The following WIPF2 variants were observed in gnomAD, a reference collection of about 807,000 sequenced individuals.
WIPF2 encodes WAS/WASL interacting protein family member 2, also known as WAS/WASL-interacting protein family member 2.
WIPF2 carries 23 observed loss-of-function variants against 38.8 expected under a neutral mutation model. The ratio of observed to expected loss-of-function variants is 0.59; its 90% CI spans 0.43 to 0.84. The LOEUF (loss-of-function observed/expected upper bound fraction) is 0.84. WIPF2 is among the 40% of genes least tolerant of loss of function. The pLI is 0.00. For missense variants in WIPF2, 574 were observed against 580.5 expected, an observed-to-expected ratio of 0.99 and a Z score of 0.11; for synonymous variants, 210 against 223.2, an observed-to-expected ratio of 0.94 and a Z score of 0.53.
chr17:40,265,297 C>A (rs2032052687), intron 5 of WIPF2, 151 bp downstream of exon 5: 7 of 1,019,726 alleles, frequency 6.9e-6, no homozygotes, highest in East Asian at 2.7e-5. Flanking sequence ...AGGGAAATAG[C>A]AATAAATAGA....
intron 4 of WIPF2, among the ~76,000 whole-genome samples, 151 bp from the exon 5 acceptor site, chr17:40,264,326 CAAAAAAAAAAAAA>C (rs772320240): frequency 4.2e-4 from 10 of 23,968 alleles, no homozygotes; most frequent in Non-Finnish European, 8.7e-4. Context: ...AACTTCGTCT[CAAAAAAAAAAAAA>C]AAAAAAAAAA....
rs1432107092 is a variant in WIPF2 at position 40,278,875 on chromosome 17, A to C, written c.*650A>C. On this transcript the variant is annotated 3_prime_UTR_variant, in exon 8 of 8. Coordinates refer to ENST00000323571, the MANE Select transcript of WIPF2 (RefSeq NM_133264.5). ...TAAATACTAATCAGTTGAACTTAAC[A>C]TTTAATAAAAAGAAAGGGTGAAATA... 6.6e-6 allele frequency: 1 copy of C among 151,754 alleles called. No individual in the cohort carries two copies. Among genetic ancestry groups the C allele is most frequent in the Non-Finnish European group, 1.5e-5 (1 of 68,002 alleles). The allele number at this position is 151,754 out of a possible 1,614,324, so 9.4% of individuals were successfully genotyped here.
intron 1 of WIPF2, among the ~76,000 whole-genome samples, chr17:40,231,209 T>G (rs906082961): frequency 6.6e-6 from 1 of 152,174 alleles, no homozygotes; most frequent in Non-Finnish European, 1.5e-5. Flanking sequence ...AAGAGACTCC[T>G]TGACAATGAA....
intron 1 of WIPF2, among the ~76,000 whole-genome samples, chr17:40,248,454 C>T (rs2031448263): frequency 6.6e-6 from 1 of 152,052 alleles, no homozygotes; most frequent in South Asian, 2.1e-4. Flanking sequence ...TAGGCGTCAG[C>T]CACTGTGCCT....
intron 2 of WIPF2, among the ~76,000 whole-genome samples, chr17:40,259,295 A>G (rs1321303557): frequency 1.3e-5 from 2 of 151,710 alleles, no homozygotes; most frequent in Non-Finnish European, 2.9e-5. Context: ...TCTGGCGATC[A>G]TGAGGAGTTC....
chr17:40,259,614 C>G (rs1462996096), intron 2 of WIPF2, among the ~76,000 whole-genome samples: 1 of 152,056 alleles, frequency 6.6e-6, no homozygotes, highest in Admixed American at 6.6e-5. Flanking sequence ...TACTGTATAA[C>G]TTTATTTAGA....
intron 1 of WIPF2, among the ~76,000 whole-genome samples, chr17:40,241,319 A>ACCCT (rs2031182480): frequency 6.6e-6 from 1 of 152,072 alleles, no homozygotes; most frequent in African/African-American, 2.4e-5. Context: ...AAGTTTGGAA[A>ACCCT]CCCTGCTTTA....
intron 2 of WIPF2, 114 bp downstream of exon 2, chr17:40,256,636 A>G (rs1008542967): frequency 1.4e-5 from 19 of 1,354,392 alleles, no homozygotes; most frequent in Non-Finnish European, 1.9e-5. Context: ...AGATTTTCCT[A>G]CTAGTAGCAT....
intron 6 of WIPF2, among the ~76,000 whole-genome samples, chr17:40,276,801 G>A (rs1186739814): frequency 6.6e-6 from 1 of 152,162 alleles, no homozygotes; most frequent in Non-Finnish European, 1.5e-5. Context: ...CTGCACTCCA[G>A]CCTGGGTGAC....
At chr17:40,226,369 A>C (rs761565017) in intron 1 of WIPF2, among the ~76,000 whole-genome samples, 1 of 150,908 alleles carries the variant, frequency 6.6e-6, no homozygotes, top group African/African-American at 2.4e-5. Context: ...ACACCCGGCT[A>C]ATTTAATTTT....
At chr17:40,233,856 G>A (rs1024416864) in intron 1 of WIPF2, among the ~76,000 whole-genome samples, 1 of 152,104 alleles carries the variant, frequency 6.6e-6, no homozygotes, top group African/African-American at 2.4e-5. Context: ...CTGAGGTTGG[G>A]AGTTCGAGAC....
intron 1 of WIPF2, among the ~76,000 whole-genome samples, chr17:40,234,625 C>CA (rs995762173): frequency 1.0e-4 from 15 of 149,014 alleles, no homozygotes; most frequent in East Asian, 2.0e-4. Flanking sequence ...ACCCTTTCTT[C>CA]AAAAAAAAAG....
At chr17:40,242,112 C>A (rs2031210388) in intron 1 of WIPF2, among the ~76,000 whole-genome samples, 1 of 152,172 alleles carries the variant, frequency 6.6e-6, no homozygotes, top group Non-Finnish European at 1.5e-5. Context: ...TACAATTTTA[C>A]AACTTCCATT....
At chr17:40,226,051 A>G (rs1156870086) in intron 1 of WIPF2, among the ~76,000 whole-genome samples, 1 of 152,064 alleles carries the variant, frequency 6.6e-6, no homozygotes, top group East Asian at 1.9e-4. Context: ...AGTAATTATG[A>G]TATTTCTAAA....
intron 1 of WIPF2, among the ~76,000 whole-genome samples, chr17:40,227,822 C>G (rs944638325): frequency 6.6e-6 from 1 of 151,728 alleles, no homozygotes; most frequent in Non-Finnish European, 1.5e-5. Flanking sequence ...GCACTCCAGC[C>G]TGGGTGACAG....
Position 40,279,705 on chromosome 17 carries a change from T to C in WIPF2, c.*1480T>C, listed in dbSNP as rs1398271205. On this transcript the variant is annotated 3_prime_UTR_variant, in exon 8 of 8. Transcript: ENST00000323571. The stretch of plus-strand genomic sequence containing the variant: ...CTTTGGTTTTCTACAACTGTTGCTA[T>C]GTGTAGAGGGTGCTCAGAGCGTGGC... 2 of 152,392 alleles carry C rather than the reference T, an allele frequency of 1.3e-5. No homozygotes were observed. The highest frequency in any genetic ancestry group is 2.9e-5 in the Non-Finnish European group (2 of 68,030). The allele number at this position is 152,392 out of a possible 1,614,324, so 9.4% of individuals were successfully genotyped here. A position where few individuals can be genotyped will look rare whatever the true frequency, so the allele number is the denominator to read the frequency against.
At chr17:40,274,759 A>G (rs1311756903) in intron 6 of WIPF2, among the ~76,000 whole-genome samples, 1 of 151,158 alleles carries the variant, frequency 6.6e-6, no homozygotes, top group African/African-American at 2.4e-5. Flanking sequence ...CCTGGGCAAC[A>G]TGGTGGAACT....
In WIPF2 at chr17:40,282,423, GAATA is replaced by G. The variant is rs1328828743; in HGVS notation, c.*4202_*4205del. 1.3e-5 allele frequency: 2 copies of G among 152,212 alleles called. No homozygotes were observed. The highest frequency in any genetic ancestry group is 2.9e-5 in the Non-Finnish European group (2 of 68,032). The allele number at this position is 152,212 out of a possible 1,614,324, so 9.4% of individuals were successfully genotyped here. ...CTCCATGGAAGTCACAGTCAACACTGAATAAATGACTAGAATGACACGTGTGCGT... is the reference window on the plus strand; with the variant it reads ...CTCCATGGAAGTCACAGTCAACACTGAATGACTAGAATGACACGTGTGCGT... On this transcript the variant is annotated 3_prime_UTR_variant, in exon 8 of 8. Transcript: ENST00000323571.
chr17:40,265,126 A>C lies in WIPF2; in HGVS notation c.950A>C (p.Asp317Ala). ...LSNRPPPPAR[D>A]PPSRGAAPPP... ...AATAGGCCACCTCCCCCAGCCCGAG[A>C]CCCTCCCAGTCGGGGAGCAGGTAAG... The change falls in exon 5 of 8, where the codon GAC (aspartate) becomes GCC (alanine). Residue 317 changes from aspartate to alanine, a missense_variant. Physicochemically the swap from Asp to Ala is moderately radical, Grantham distance 126. Coordinates refer to ENST00000323571, the MANE Select transcript of WIPF2 (RefSeq NM_133264.5). 6.2e-7 allele frequency: 1 copy of C among 1,608,904 alleles called. No homozygotes were observed. Among genetic ancestry groups the C allele is most frequent in the Non-Finnish European group, 8.5e-7 (1 of 1,177,026 alleles).
Sources: gnomAD v4.1 joint callset for allele counts (sites outside exome capture counted in the v4.1 genomes callset) on GRCh38, gnomAD v4.1.1 for gene constraint, MANE v1.5 for transcripts, NCBI Gene and HGNC (gene_info 2026-07-23, HGNC 2026-07-21) for gene names.